CNTN3: variants seen among roughly 807,000 people sequenced by gnomAD.
CNTN3 encodes the protein contactin 3.
CNTN3 carries 60 observed loss-of-function variants against 119.1 expected under a neutral mutation model. That is an observed-to-expected ratio of 0.50 (90% CI 0.41 to 0.62). The LOEUF (loss-of-function observed/expected upper bound fraction) is 0.62. CNTN3 is among the 20% of genes least tolerant of loss of function. The probability of loss-of-function intolerance (pLI) is 0.00; values close to 1 mark genes in which losing one functional copy is unlikely to be tolerated. For missense variants in CNTN3, 1,101 were observed against 1,242.4 expected, an observed-to-expected ratio of 0.89 and a Z score of 1.71; for synonymous variants, 450 against 438.7, an observed-to-expected ratio of 1.03 and a Z score of -0.32.
At chr3:74,484,838 T>A (rs1702823106) in intron 4 of CNTN3, among the ~76,000 whole-genome samples, 1 of 152,136 alleles carries the variant, frequency 6.6e-6, no homozygotes, top group South Asian at 2.1e-4. Flanking sequence ...ACATTTATTA[T>A]CAACCAAATG....
chr3:74,344,868 TACACAC>T (rs59061088), intron 11 of CNTN3, among the ~76,000 whole-genome samples: 8,201 of 148,790 alleles, frequency 0.055, 721 homozygotes, highest in African/African-American at 0.19. Flanking sequence ...TGTATACGTA[TACACAC>T]ACACACACAC....
At chr3:74,440,483 C>CA (rs57947790) in intron 4 of CNTN3, among the ~76,000 whole-genome samples, 89,561 of 141,790 alleles carry the variant, frequency 0.63, 27,682 homozygotes, top group East Asian at 0.71. Context: ...AAGCAAATAG[C>CA]AAAAAAAAAA....
chr3:74,444,091 G>T (rs1575730742), intron 4 of CNTN3, among the ~76,000 whole-genome samples: 1 of 152,140 alleles, frequency 6.6e-6, no homozygotes, highest in South Asian at 2.1e-4. Flanking sequence ...CGCCTCCATT[G>T]TCACGTAGCA....
In CNTN3 at chr3:74,481,714, TACA is replaced by T. The variant is rs1266253350; in HGVS notation, c.358+4739_358+4741del. 5.9e-5 allele frequency among the ~76,000 whole-genome samples: 9 copies of T among 151,462 alleles called. No individual in the cohort carries two copies. In the East Asian group the frequency reaches 1.6e-3, roughly 26 times the overall value. ...GTAATTTGAAAAGAACTATAAAAAA[TACA>T]ACAACTTTGGAAGAACAATAAAGAT... is the stretch of plus-strand genomic sequence containing the variant. On this transcript the variant is annotated intron_variant, in intron 4 of 22. Coordinates refer to ENST00000263665, the MANE Select transcript of CNTN3 (RefSeq NM_020872.3).
chr3:74,348,755 G>C (rs888532916), intron 11 of CNTN3, among the ~76,000 whole-genome samples: 2 of 152,142 alleles, frequency 1.3e-5, no homozygotes, highest in Non-Finnish European at 2.9e-5. Flanking sequence ...GAAACCTTGA[G>C]AGATGATAAA....
chr3:74,402,558 C>T (rs536878745), intron 5 of CNTN3, among the ~76,000 whole-genome samples: 8 of 152,226 alleles, frequency 5.3e-5, no homozygotes, highest in African/African-American at 1.7e-4. Context: ...CAGATACCTG[C>T]ATCTGTTAAT....
intron 1 of CNTN3, among the ~76,000 whole-genome samples, chr3:74,543,894 T>C (rs368450106): frequency 1.1e-3 from 170 of 152,328 alleles, no homozygotes; most frequent in Non-Finnish European, 2.2e-3. Flanking sequence ...CAAGTCTTCA[T>C]ATTCAGAGTT....
chr3:74,574,530 T>C (rs1345188198), intron 1 of CNTN3, among the ~76,000 whole-genome samples: 1 of 152,236 alleles, frequency 6.6e-6, no homozygotes, highest in African/African-American at 2.4e-5. Context: ...CGTTTAGGTT[T>C]AGTTTAATAA....
chr3:74,410,647 T>C (rs1031835231), intron 5 of CNTN3, among the ~76,000 whole-genome samples: 3 of 152,178 alleles, frequency 2.0e-5, no homozygotes, highest in African/African-American at 7.2e-5. Context: ...AAGAGATTTG[T>C]GGGATACAAT....
intron 1 of CNTN3, among the ~76,000 whole-genome samples, chr3:74,533,444 T>A (rs532661834): frequency 6.6e-6 from 1 of 152,124 alleles, no homozygotes; most frequent in Non-Finnish European, 1.5e-5. Flanking sequence ...TCTGGCACTA[T>A]GGGTGGTAGG....
Position 74,437,502 on chromosome 3 carries a change from G to C in CNTN3, c.359-12562C>G, listed in dbSNP as rs11919312. Among the ~76,000 whole-genome samples, 310 of 152,012 alleles carry C rather than the reference G, an allele frequency of 2.0e-3. 1 individual carries two copies. Among genetic ancestry groups the C allele is most frequent in the African/African-American group, 7.1e-3 (294 of 41,502 alleles). ...AAAAAAAACCCATGTTTCTGCTACT[G>C]ACAGTTTTGCTCTTCTAAAGTATCT... On this transcript the variant is annotated intron_variant, in intron 4 of 22. Coordinates refer to ENST00000263665, the MANE Select transcript of CNTN3 (RefSeq NM_020872.3).
chr3:74,323,144 G>T lies in CNTN3; in HGVS notation c.1668+11591C>A, dbSNP rs530113589. Among the ~76,000 whole-genome samples the T allele has an allele frequency of 8.5e-4, 129 of 152,194 alleles. 1 individual carries two copies. Among genetic ancestry groups the T allele is most frequent in the African/African-American group, 3.0e-3 (124 of 41,520 alleles). ...ACTCCAATGTAAACTATTAACTTGG[G>T]GTAATAATGATGTGTCAATGTAGGT... On this transcript the variant is annotated intron_variant, in intron 13 of 22. Transcript: ENST00000263665.
At chr3:74,322,278 GA>G (rs1362877376) in intron 13 of CNTN3, among the ~76,000 whole-genome samples, 1 of 151,100 alleles carries the variant, frequency 6.6e-6, no homozygotes. Context: ...ACAAAATATA[GA>G]AAAATCTCTT....
chr3:74,470,748 C>T (rs1702544681), intron 4 of CNTN3, among the ~76,000 whole-genome samples: 1 of 152,192 alleles, frequency 6.6e-6, no homozygotes, highest in Non-Finnish European at 1.5e-5. Context: ...AAACCAGTCT[C>T]AACTCCTCCT....
chr3:74,529,479 ATGTTTTTAT>A (rs57968145), intron 1 of CNTN3, among the ~76,000 whole-genome samples: 18,666 of 151,890 alleles, frequency 0.12, 1,317 homozygotes, highest in East Asian at 0.3. Flanking sequence ...TAGAATTAAA[ATGTTTTTAT>A]ATAGTTATCA....
chr3:74,572,895 C>T (rs909299876), intron 1 of CNTN3, among the ~76,000 whole-genome samples: 8 of 152,210 alleles, frequency 5.3e-5, no homozygotes, highest in Admixed American at 2.6e-4. Context: ...CTAGGAGGGT[C>T]TAAGACTTCA....
At chr3:74,368,206 A>C (rs1704245132) in intron 8 of CNTN3, among the ~76,000 whole-genome samples, 1 of 152,142 alleles carries the variant, frequency 6.6e-6, no homozygotes, top group South Asian at 2.1e-4. Context: ...GAAGTAATGC[A>C]CTGGTAGACT....
At chr3:74,512,691 G>GAAAAAA (rs1703387567) in intron 2 of CNTN3, among the ~76,000 whole-genome samples, 1 of 3,050 alleles carries the variant, frequency 3.3e-4, no homozygotes. Flanking sequence ...GCATAATCAA[G>GAAAAAA]CAAAAAAAAA....
chr3:74,533,864 C>A (rs1703726491), intron 1 of CNTN3, among the ~76,000 whole-genome samples: 1 of 151,954 alleles, frequency 6.6e-6, no homozygotes, highest in African/African-American at 2.4e-5. Context: ...TTTTGGGTAG[C>A]CACTTGCTGG....
Sources: gnomAD v4.1 joint callset for allele counts (sites outside exome capture counted in the v4.1 genomes callset) on GRCh38, gnomAD v4.1.1 for gene constraint, MANE v1.5 for transcripts, NCBI Gene and HGNC (gene_info 2026-07-23, HGNC 2026-07-21) for gene names.